Variants in IRF8 observed in about 807,000 individuals in gnomAD.
IRF8 encodes the protein interferon regulatory factor 8, also known as interferon consensus sequence binding protein 1.
IRF8 carries 14 observed loss-of-function variants against 48.7 expected under a neutral mutation model. The observed-to-expected ratio is 0.29, with a 90% CI of 0.19 to 0.45. The LOEUF is 0.45. Among genes scored for constraint, IRF8 ranks in the 20% least tolerant of loss-of-function variants. IRF8 has a pLI of 1.00. For synonymous variants in IRF8, 278 were observed against 227.3 expected (o/e 1.22, Z -2.01); for missense variants, 493 against 580.7 (o/e 0.85, Z 1.55).
chr16:85,917,705 A>G (rs1384129308), intron 6 of IRF8, among the ~76,000 whole-genome samples: 2 of 152,264 alleles, frequency 1.3e-5, no homozygotes, highest in Admixed American at 1.3e-4. Flanking sequence ...GAGAGCTATC[A>G]GCACCAAACT....
intron 4 of IRF8, among the ~76,000 whole-genome samples, chr16:85,912,083 C>G (rs78690743): frequency 0.014 from 2,136 of 152,334 alleles, 52 homozygotes; most frequent in African/African-American, 0.049. Context: ...GTTGTACCAG[C>G]TCTCATGGCT....
chr16:85,899,851 C>T (rs1362001765), intron 1 of IRF8, among the ~76,000 whole-genome samples: 1 of 152,092 alleles, frequency 6.6e-6, no homozygotes, highest in East Asian at 1.9e-4. Flanking sequence ...AAAATGAGTC[C>T]CAATACATAG....
intron 1 of IRF8, among the ~76,000 whole-genome samples, chr16:85,899,670 A>C (rs2152097398): frequency 6.6e-6 from 1 of 152,260 alleles, no homozygotes; most frequent in African/African-American, 2.4e-5. Flanking sequence ...GAAGGAGGGG[A>C]CAGACTGCTT....
Position 85,918,480 on chromosome 16 carries a change from C to T in IRF8, c.665C>T (p.Thr222Ile). 1 of 1,590,866 alleles carries T rather than the reference C, an allele frequency of 6.3e-7. No individual in the cohort carries two copies. The highest frequency in any genetic ancestry group is 8.5e-7 in the Non-Finnish European group (1 of 1,174,818). Residue 222 changes from threonine to isoleucine, a missense_variant, in exon 7 of 9, where the codon ACC (threonine) becomes ATC (isoleucine). By Grantham distance (89) the Thr-to-Ile change is moderately conservative. Transcript: ENST00000268638. Reference protein sequence around the residue: ...GGKLVGQATTTCPEGCRLSLS... With the variant: ...GGKLVGQATTICPEGCRLSLS... Reference sequence around the variant, plus strand: ...AAGCTGGTGGGCCAGGCCACCACCACCTGCCCCGAGGGCTGCCGCCTGTCC... The same window carrying T: ...AAGCTGGTGGGCCAGGCCACCACCATCTGCCCCGAGGGCTGCCGCCTGTCC...
intron 1 of IRF8, 51 bp downstream of exon 1, chr16:85,899,274 G>T (rs1904742945): frequency 6.6e-6 from 1 of 152,214 alleles, no homozygotes; most frequent in African/African-American, 2.4e-5. Context: ...GTCCGGTCCC[G>T]CGGGGTCCCC....
chr16:85,906,320 A>G (rs1206996889), intron 2 of IRF8, among the ~76,000 whole-genome samples: 1 of 152,238 alleles, frequency 6.6e-6, no homozygotes, highest in African/African-American at 2.4e-5. Flanking sequence ...TGAATGAGCC[A>G]TAGTGACTGT....
chr16:85,902,374 G>C (rs150943064), intron 1 of IRF8, among the ~76,000 whole-genome samples: 8 of 152,342 alleles, frequency 5.3e-5, no homozygotes, highest in African/African-American at 1.9e-4. Context: ...GGACTGGGTA[G>C]CTGATGCCCT....
chr16:85,907,455 G>A (rs1257815232), intron 2 of IRF8, among the ~76,000 whole-genome samples: 2 of 152,154 alleles, frequency 1.3e-5, no homozygotes, highest in South Asian at 2.1e-4. Flanking sequence ...CGAGGCAGGC[G>A]GATCACGAGG....
intron 5 of IRF8, chr16:85,914,230 A>T (rs1322467553): frequency 9.0e-6 from 5 of 558,204 alleles, no homozygotes; most frequent in African/African-American, 3.8e-5. Flanking sequence ...ACACATGGTC[A>T]GAAATCCCAC....
intron 7 of IRF8, among the ~76,000 whole-genome samples, chr16:85,919,402 A>G (rs1245619944): frequency 6.6e-6 from 1 of 152,062 alleles, no homozygotes; most frequent in Non-Finnish European, 1.5e-5. Flanking sequence ...CTCTCCCTGT[A>G]GCAGCACAGC....
At chr16:85,902,179 C>T (rs1350389974) in intron 1 of IRF8, among the ~76,000 whole-genome samples, 1 of 152,096 alleles carries the variant, frequency 6.6e-6, no homozygotes, top group Non-Finnish European at 1.5e-5. Context: ...TGTTCGGTAG[C>T]TGCAGTTTAT....
chr16:85,903,535 C>T (rs193030070), intron 2 of IRF8: 21 of 338,744 alleles, frequency 6.2e-5, no homozygotes, highest in Admixed American at 4.4e-4. Flanking sequence ...CCATTAGAGG[C>T]GATGCATATA....
At chr16:85,913,086 G>A in intron 4 of IRF8, 45 bp from the exon 5 acceptor site, 1 of 1,345,204 alleles carries the variant, frequency 7.4e-7, no homozygotes. Flanking sequence ...CCAGGTGGGA[G>A]ATCAGTGACT....
At chr16:85,905,570 G>A (rs940781201) in intron 2 of IRF8, among the ~76,000 whole-genome samples, 6 of 152,304 alleles carry the variant, frequency 3.9e-5, no homozygotes, top group Admixed American at 1.3e-4. Flanking sequence ...GGAGGCCATC[G>A]GGAGGGCCAC....
In IRF8 at chr16:85,921,697, C is replaced by T. The variant is rs1597258682; in HGVS notation, c.*415C>T. 2 of 252,812 alleles carry T rather than the reference C, an allele frequency of 7.9e-6. No individual in the cohort carries two copies. The highest frequency in any genetic ancestry group is 3.0e-3 in the Middle Eastern group (2 of 674). 15.7% of individuals were successfully genotyped at this position (252,812 alleles called of 1,614,324 possible). The stretch of plus-strand genomic sequence containing the variant: ...AAAACAAGGTTGTTTTTGTCTTTAT[C>T]GTTTGTTAGAGTTATAGATTTATGA... On this transcript the variant is annotated 3_prime_UTR_variant, in exon 9 of 9. Coordinates refer to ENST00000268638, the MANE Select transcript of IRF8 (RefSeq NM_002163.4).
intron 1 of IRF8, among the ~76,000 whole-genome samples, chr16:85,902,193 C>T (rs1223109169): frequency 2.0e-5 from 3 of 152,128 alleles, no homozygotes; most frequent in Non-Finnish European, 2.9e-5. Flanking sequence ...AGTTTATTTC[C>T]TCACTCTTGT....
intron 6 of IRF8, among the ~76,000 whole-genome samples, chr16:85,917,528 A>G (rs149741344): frequency 6.6e-6 from 1 of 152,336 alleles, no homozygotes; most frequent in East Asian, 1.9e-4. Context: ...GCTGTAAAGG[A>G]AGACCTGTGG....
At chr16:85,912,349 G>A (rs955652297) in intron 4 of IRF8, among the ~76,000 whole-genome samples, 4 of 152,182 alleles carry the variant, frequency 2.6e-5, no homozygotes, top group African/African-American at 9.7e-5. Context: ...ACTAAACCTC[G>A]TGCAGCCTTT....
chr16:85,910,811 G>A (rs768684126), intron 3 of IRF8, among the ~76,000 whole-genome samples: 7 of 152,188 alleles, frequency 4.6e-5, no homozygotes, highest in East Asian at 1.9e-4. Context: ...TTAATCTATC[G>A]AAATGGAATC....
Sources: gnomAD v4.1 joint callset for allele counts (sites outside exome capture counted in the v4.1 genomes callset) on GRCh38, gnomAD v4.1.1 for gene constraint, MANE v1.5 for transcripts, NCBI Gene and HGNC (gene_info 2026-07-23, HGNC 2026-07-21) for gene names.